Variants in SULT1E1 observed in about 807,000 individuals in gnomAD.
The protein encoded by SULT1E1 is sulfotransferase 1E1.
A neutral mutation model predicts 33.6 loss-of-function variants in SULT1E1; 36 were observed. The observed-to-expected ratio is 1.07, with a 90% confidence interval of 0.82 to 1.41. The LOEUF (loss-of-function observed/expected upper bound fraction) is 1.41, where lower values mean the gene tolerates loss of function less well. Among genes scored for constraint, SULT1E1 ranks in the 40% most tolerant of loss-of-function variants. The pLI, the probability that SULT1E1 is intolerant of heterozygous loss-of-function variation, is 0.00. For missense variants in SULT1E1, 371 were observed against 345.7 expected (o/e 1.07, Z -0.58); for synonymous variants, 121 against 111.7 (o/e 1.08, Z -0.53).
the SULT1E1 span, among the ~76,000 whole-genome samples, chr4:69,828,392 T>C: frequency 6.6e-6 from 1 of 152,068 alleles, no homozygotes; most frequent in African/African-American, 2.4e-5. Flanking sequence ...AGCAAGACCA[T>C]GAACCCACCA....
rs182235048 is a variant in SULT1E1 at position 69,843,067 on chromosome 4, A to C, written c.773-961T>G. Among the ~76,000 whole-genome samples the C allele has an allele frequency of 3.1e-4, 47 of 152,068 alleles. No individual in the cohort carries two copies. In the East Asian group the frequency reaches 7.6e-3, roughly 25 times the overall value. ...TAGCCAGGATGGTCTCGATCTCCTG[A>C]CCTCATGATCCGCCCGTCTCGGCCT... On this transcript the variant is annotated intron_variant, in intron 7 of 7. Transcript: ENST00000226444.
downstream of SULT1E1, among the ~76,000 whole-genome samples, chr4:69,839,710 C>T (rs1056288500): frequency 2.6e-5 from 4 of 152,054 alleles, no homozygotes; most frequent in Admixed American, 6.5e-5. Context: ...CACATGATGC[C>T]GTCCAAGGTT....
the SULT1E1 span, among the ~76,000 whole-genome samples, chr4:69,834,694 T>C: frequency 6.6e-6 from 1 of 152,162 alleles, no homozygotes; most frequent in Admixed American, 6.5e-5. Flanking sequence ...ACAGTTGTAG[T>C]AGTAACAGTA....
At chr4:69,851,458 A>G (rs1298603208) in intron 4 of SULT1E1, among the ~76,000 whole-genome samples, 2 of 152,198 alleles carry the variant, frequency 1.3e-5, no homozygotes, top group South Asian at 2.1e-4. Context: ...GGTGATCATT[A>G]AAAAGTCAGG....
downstream of SULT1E1, among the ~76,000 whole-genome samples, chr4:69,840,718 A>G (rs1413697778): frequency 6.6e-6 from 1 of 152,196 alleles, no homozygotes; most frequent in Non-Finnish European, 1.5e-5. Flanking sequence ...GAGTTAGACT[A>G]AGGTAAATTT....
At chr4:69,849,359 T>G in intron 5 of SULT1E1, 78 bp downstream of exon 5, 1 of 1,536,928 alleles carries the variant, frequency 6.5e-7, no homozygotes, top group Non-Finnish European at 8.9e-7. Context: ...ACCAGAACAG[T>G]TAAAAACTTT....
At chr4:69,839,141 G>C (rs779857136), downstream of SULT1E1, among the ~76,000 whole-genome samples, 5 of 152,186 alleles carry the variant, frequency 3.3e-5, no homozygotes, top group Non-Finnish European at 7.4e-5. Context: ...AGTGCTAACT[G>C]AGTACTTCCT....
At chr4:69,847,141 T>C (rs1399045855) in intron 6 of SULT1E1, among the ~76,000 whole-genome samples, 1 of 151,786 alleles carries the variant, frequency 6.6e-6, no homozygotes, top group East Asian at 1.9e-4. Flanking sequence ...TATGTAGCCA[T>C]GTCTAATCTA....
At chr4:69,835,935 T>C in the SULT1E1 span, among the ~76,000 whole-genome samples, 1 of 152,208 alleles carries the variant, frequency 6.6e-6, no homozygotes, top group Non-Finnish European at 1.5e-5. Context: ...TGAGCCACAG[T>C]TCCTGGCCTA....
the SULT1E1 span, among the ~76,000 whole-genome samples, chr4:69,827,319 G>C: frequency 1.3e-5 from 2 of 152,122 alleles, no homozygotes; most frequent in African/African-American, 2.4e-5. Context: ...GCTGAAGAAA[G>C]GGACAAATTC....
chr4:69,840,024 T>TA (rs1225332425), downstream of SULT1E1, among the ~76,000 whole-genome samples: 1 of 152,314 alleles, frequency 6.6e-6, no homozygotes, highest in African/African-American at 2.4e-5. Flanking sequence ...AAATGCATTC[T>TA]AAAAAAGTTA....
At chr4:69,827,841 C>T in the SULT1E1 span, among the ~76,000 whole-genome samples, 1 of 152,184 alleles carries the variant, frequency 6.6e-6, no homozygotes, top group Admixed American at 6.5e-5. Flanking sequence ...GGCCAATTAC[C>T]CGTGAGGGCT....
At chr4:69,855,255 C>T (rs924757440) in intron 3 of SULT1E1, 46 bp downstream of exon 3, 1 of 1,581,204 alleles carries the variant, frequency 6.3e-7, no homozygotes, top group Non-Finnish European at 8.6e-7. Flanking sequence ...TACATACACA[C>T]CTTAGAATAT....
downstream of SULT1E1, among the ~76,000 whole-genome samples, chr4:69,840,190 T>A (rs1304414916): frequency 6.6e-6 from 1 of 152,108 alleles, no homozygotes; most frequent in Non-Finnish European, 1.5e-5. Flanking sequence ...TTTTGTATAA[T>A]TAATAACTAT....
chr4:69,842,742 T>G (rs1720905489), intron 7 of SULT1E1, among the ~76,000 whole-genome samples: 1 of 152,196 alleles, frequency 6.6e-6, no homozygotes, highest in Non-Finnish European at 1.5e-5. Context: ...AGAGTGTTTC[T>G]CATCTGGGTA....
At position 69,841,831 on chromosome 4, in the gene SULT1E1, ACT is replaced by A. The variant is rs1343111862; in HGVS notation, c.*161_*162del. The A allele has an allele frequency of 1.5e-5, 7 of 466,384 alleles. No homozygotes were observed. The East Asian group carries it at 2.3e-4, about 16-fold the overall frequency. 28.9% of individuals were successfully genotyped at this position (466,384 alleles called of 1,614,324 possible). A position where few individuals can be genotyped will look rare whatever the true frequency, so the allele number is the denominator to read the frequency against. Reference sequence around the variant, plus strand: ...CCTCCAGCCTAGGCAACAGAGTGAGACTCTGTCTCAAAAAAAAAAAAAAAAAG... The same window carrying A: ...CCTCCAGCCTAGGCAACAGAGTGAGACTGTCTCAAAAAAAAAAAAAAAAAG... On this transcript the variant is annotated 3_prime_UTR_variant, in exon 8 of 8. Coordinates refer to ENST00000226444, the MANE Select transcript of SULT1E1 (RefSeq NM_005420.3).
At chr4:69,857,351 A>G in intron 2 of SULT1E1, 149 bp downstream of exon 2, 1 of 957,312 alleles carries the variant, frequency 1.0e-6, no homozygotes, top group Non-Finnish European at 1.5e-6. Context: ...TGGTCATGGA[A>G]TAGAGCTACC....
At chr4:69,844,477 G>T in intron 6 of SULT1E1, 136 bp from the exon 7 acceptor site, 3 of 669,368 alleles carry the variant, frequency 4.5e-6, no homozygotes, top group Admixed American at 3.6e-5. Flanking sequence ...AATCTAATTG[G>T]GGGAATTTTA....
rs1560554129 is a variant in SULT1E1, at chr4:69,844,304, A to T, written c.629T>A (p.Leu210Gln). The T allele has an allele frequency of 6.2e-7, 1 of 1,613,664 alleles. No individual in the cohort carries two copies. The highest frequency in any genetic ancestry group is 8.5e-7 in the Non-Finnish European group (1 of 1,179,724). ...RKEVIKLIHF[L>Q]ERKPSEELVD... Reference sequence around the variant, plus strand: ...AAGCTCCTCTGATGGCTTCCTTTCCAGGAAATGTATCAATTTTATCACCTC... The same window carrying T: ...AAGCTCCTCTGATGGCTTCCTTTCCTGGAAATGTATCAATTTTATCACCTC... The change falls in exon 7 of 8, where the codon CTG becomes CAG. Residue 210 changes from leucine to glutamine, a missense_variant. Coordinates refer to ENST00000226444, the MANE Select transcript of SULT1E1 (RefSeq NM_005420.3).
Sources: allele counts gnomAD v4.1 joint callset (sites outside exome capture counted in the v4.1 genomes callset), GRCh38; gene constraint gnomAD v4.1.1; transcripts MANE v1.5; gene names NCBI Gene and HGNC (gene_info 2026-07-23, HGNC 2026-07-21).